The following DCHS2 variants were observed in gnomAD, a reference collection of about 807,000 sequenced individuals.
DCHS2 encodes the protein dachsous cadherin-related 2, also known as protocadherin-23.
In DCHS2, 142 loss-of-function variants were observed where a neutral mutation model predicts 182.4. The observed-to-expected ratio is 0.78, with a 90% CI of 0.68 to 0.89. DCHS2 has a LOEUF of 0.89. DCHS2 is among the 40% of genes least tolerant of loss of function. DCHS2 has a pLI of 0.00. For missense variants in DCHS2, 4,319 were observed against 4,198.6 expected (o/e 1.03, Z -0.79); for synonymous variants, 1,740 against 1,663.3 (o/e 1.05, Z -1.12).
Position 154,333,200 on chromosome 4 carries a change from G to C in DCHS2, c.3008C>G (p.Ala1003Gly). The change falls in exon 5 of 20, where the codon GCG (alanine) becomes GGG (glycine). Residue 1003 changes from alanine (A) to glycine (G), a missense_variant. Transcript: ENST00000357232. ...GTTCCGCCCACTGTCTCTGTCTTCC[G>C]CACGTGCGAGGTACAAGGCTGTGCC... ...PPGTALYLAR[A>G]EDRDSGRNGL... 1 of 1,614,216 alleles carries C rather than the reference G, an allele frequency of 6.2e-7. No individual in the cohort carries two copies. The highest frequency in any genetic ancestry group is 8.5e-7 in the Non-Finnish European group (1 of 1,180,038).
intron 2 of DCHS2, among the ~76,000 whole-genome samples, chr4:154,366,674 C>T (rs571135997): frequency 4.6e-5 from 7 of 151,908 alleles, no homozygotes; most frequent in South Asian, 2.1e-4. Context: ...CACACAAACA[C>T]GTCTTTATAT....
At chr4:154,365,899 C>T (rs1337591946) in intron 3 of DCHS2, among the ~76,000 whole-genome samples, 6 of 151,842 alleles carry the variant, frequency 4.0e-5, no homozygotes, top group East Asian at 1.9e-4. Flanking sequence ...CCACCCACCT[C>T]GGCCCCCCAA....
At chr4:154,397,863 C>A (rs1448089353) in intron 1 of DCHS2, among the ~76,000 whole-genome samples, 4 of 152,106 alleles carry the variant, frequency 2.6e-5, no homozygotes, top group Non-Finnish European at 4.4e-5. Context: ...CCTCTCATTC[C>A]CCCAAAAATG....
At chr4:154,347,440 T>C (rs1729411816) in intron 3 of DCHS2, among the ~76,000 whole-genome samples, 1 of 151,670 alleles carries the variant, frequency 6.6e-6, no homozygotes, top group Admixed American at 6.6e-5. Context: ...TGCTCTGAGC[T>C]TCTGTTTATC....
At chr4:154,310,446 C>G (rs1380918276) in intron 10 of DCHS2, among the ~76,000 whole-genome samples, 1 of 152,150 alleles carries the variant, frequency 6.6e-6, no homozygotes, top group Admixed American at 6.5e-5. Context: ...CTTTTGAATA[C>G]TATAAATAAT....
At position 154,233,499 on chromosome 4, in the gene DCHS2, T is replaced by C. The variant is rs1731287323; in HGVS notation, c.*1037A>G. On this transcript the variant is annotated 3_prime_UTR_variant, in exon 20 of 20. Coordinates refer to ENST00000357232, the MANE Select transcript of DCHS2 (RefSeq NM_001358235.2). Reference sequence around the variant, plus strand: ...TAGTAGAAACATTTCCATAAAAAACTTCATTTAAAAATATATTGCTAAATT... The same window carrying C: ...TAGTAGAAACATTTCCATAAAAAACCTCATTTAAAAATATATTGCTAAATT... The C allele has an allele frequency of 6.6e-6, 1 of 152,184 alleles. No individual in the cohort carries two copies. The highest frequency in any genetic ancestry group is 2.4e-5 in the African/African-American group (1 of 41,454). The allele number at this position is 152,184 out of a possible 1,614,324, so 9.4% of individuals were successfully genotyped here. A position where few individuals can be genotyped will look rare whatever the true frequency, so the allele number is the denominator to read the frequency against.
chr4:154,431,306 TTAAAGAAATCATAAAACTTATTTCA>T, intron 1 of DCHS2, among the ~76,000 whole-genome samples: 1 of 152,158 alleles, frequency 6.6e-6, no homozygotes, highest in East Asian at 1.9e-4. Context: ...TGTGTATGAC[TTAAAGAAATCATAAAACTTATTTCA>T]TAAAGAAAAC....
intron 13 of DCHS2, among the ~76,000 whole-genome samples, chr4:154,286,894 A>G (rs1194758258): frequency 6.6e-6 from 1 of 152,140 alleles, no homozygotes; most frequent in Admixed American, 6.5e-5. Context: ...AACCCAAAGA[A>G]GACTACCTCA....
At chr4:154,262,739 TTA>T (rs1733047402) in intron 14 of DCHS2, among the ~76,000 whole-genome samples, 1 of 152,230 alleles carries the variant, frequency 6.6e-6, no homozygotes, top group Non-Finnish European at 1.5e-5. Flanking sequence ...TGATAAATAT[TTA>T]TGTTATTCAG....
chr4:154,319,281 G>A (rs1401808162), intron 9 of DCHS2, among the ~76,000 whole-genome samples: 1 of 151,952 alleles, frequency 6.6e-6, no homozygotes, highest in South Asian at 2.1e-4. Context: ...TGTGAAGTGG[G>A]TCTTGGCAAT....
intron 3 of DCHS2, among the ~76,000 whole-genome samples, chr4:154,337,643 A>T (rs1211338458): frequency 1.3e-5 from 2 of 152,100 alleles, no homozygotes; most frequent in Non-Finnish European, 2.9e-5. Flanking sequence ...ATTTCCAGAA[A>T]AGACCTTGCT....
intron 3 of DCHS2, chr4:154,343,552 G>T: frequency 6.5e-7 from 1 of 1,527,226 alleles, no homozygotes; most frequent in Non-Finnish European, 8.8e-7. Flanking sequence ...TGCACTTTTA[G>T]GTAATGGAGA....
chr4:154,472,301 T>A (rs1735504454), intron 1 of DCHS2, among the ~76,000 whole-genome samples: 1 of 152,230 alleles, frequency 6.6e-6, no homozygotes, highest in South Asian at 2.1e-4. Flanking sequence ...GAAAGTAATC[T>A]TGGTTCCAAT....
intron 2 of DCHS2, among the ~76,000 whole-genome samples, chr4:154,371,419 T>G (rs573462606): frequency 6.6e-6 from 1 of 152,076 alleles, no homozygotes; most frequent in Admixed American, 6.5e-5. Context: ...GTGGGGTAGG[T>G]TGTTTTAATC....
chr4:154,267,410 C>A (rs940990614), intron 14 of DCHS2, among the ~76,000 whole-genome samples: 1 of 152,090 alleles, frequency 6.6e-6, no homozygotes, highest in Non-Finnish European at 1.5e-5. Context: ...CTTTGAATTC[C>A]AACCTTTCCT....
At chr4:154,367,108 C>G (rs1026787724) in intron 2 of DCHS2, among the ~76,000 whole-genome samples, 1 of 152,172 alleles carries the variant, frequency 6.6e-6, no homozygotes, top group African/African-American at 2.4e-5. Flanking sequence ...CAGGCCTGCT[C>G]AGCCGCAGCA....
At position 154,482,296 on chromosome 4, in the gene DCHS2, G is replaced by A. The variant is rs180969204; in HGVS notation, c.2052+7008C>T. The stretch of plus-strand genomic sequence containing the variant: ...TACAGTGTATAACATTAAGAAATGA[G>A]CAAAAATAAATTCCATATGTCATTT... On this transcript the variant is annotated intron_variant, in intron 1 of 19. Coordinates refer to ENST00000357232, the MANE Select transcript of DCHS2 (RefSeq NM_001358235.2). Among the ~76,000 whole-genome samples the A allele has an allele frequency of 3.9e-4, 60 of 152,292 alleles. No individual in the cohort carries two copies. In the Middle Eastern group the frequency reaches 0.01, roughly 26 times the overall value.
intron 2 of DCHS2, among the ~76,000 whole-genome samples, chr4:154,368,392 G>C (rs975939483): frequency 7.2e-5 from 11 of 152,090 alleles, no homozygotes; most frequent in Admixed American, 6.5e-4. Context: ...TAATGAAAAA[G>C]TGGGGAAAAT....
chr4:154,364,463 A>G (rs946959592), intron 3 of DCHS2, among the ~76,000 whole-genome samples: 2 of 152,348 alleles, frequency 1.3e-5, no homozygotes, highest in African/African-American at 4.8e-5. Context: ...TTAAGTCCTC[A>G]GTTAAGATGA....
Sources: allele counts gnomAD v4.1 joint callset (sites outside exome capture counted in the v4.1 genomes callset), GRCh38; gene constraint gnomAD v4.1.1; transcripts MANE v1.5; gene names NCBI Gene and HGNC (gene_info 2026-07-23, HGNC 2026-07-21).